RBFOX1: variants seen among roughly 807,000 people sequenced by gnomAD.
RBFOX1 encodes the protein RNA binding protein fox-1 homolog 1.
A neutral mutation model predicts 57.7 loss-of-function variants in RBFOX1; 8 were observed. The observed-to-expected ratio is 0.14, with a 90% confidence interval of 0.08 to 0.25. RBFOX1 has a LOEUF of 0.25. Ranked by LOEUF, RBFOX1 falls within the 10% of genes least tolerant of loss-of-function variation. RBFOX1 has a pLI of 1.00. For missense variants in RBFOX1, 611 were observed against 548.5 expected (o/e 1.11, Z -1.14); for synonymous variants, 326 against 222.4 (o/e 1.47, Z -4.15).
chr16:6,851,763 A>G (rs966183463), intron 3 of RBFOX1, among the ~76,000 whole-genome samples: 1 of 152,102 alleles, frequency 6.6e-6, no homozygotes, highest in Non-Finnish European at 1.5e-5. Flanking sequence ...TCACAGGCAG[A>G]AGGACTGGCA....
In RBFOX1 at chr16:6,958,171, T is replaced by C. The variant is rs554121252; in HGVS notation, c.-15-93886T>C. The stretch of plus-strand genomic sequence containing the variant: ...AGGGGAGGGGAAAGTTAACTTAATA[T>C]GGGAGGGCTGCAAAAGTTGAGGCAC... On this transcript the variant is annotated intron_variant, in intron 3 of 15. Coordinates refer to ENST00000550418, the MANE Select transcript of RBFOX1 (RefSeq NM_018723.4). 1.7e-3 allele frequency among the ~76,000 whole-genome samples: 256 copies of C among 152,228 alleles called. 3 individuals carry two copies. Among genetic ancestry groups the C allele is most frequent in the Admixed American group, 6.6e-3 (101 of 15,292 alleles).
intron 10 of RBFOX1, among the ~76,000 whole-genome samples, chr16:7,611,977 G>T (rs1457359144): frequency 6.6e-6 from 1 of 152,068 alleles, no homozygotes; most frequent in Non-Finnish European, 1.5e-5. Flanking sequence ...AAACAGCATT[G>T]ATAATTTCTT....
At chr16:7,348,441 G>T (rs1322340196) in intron 4 of RBFOX1, among the ~76,000 whole-genome samples, 1 of 149,190 alleles carries the variant, frequency 6.7e-6, no homozygotes. Flanking sequence ...AGGTTTTTAA[G>T]ACTAAGGTGA....
chr16:7,010,289 T>A (rs2093589586), intron 3 of RBFOX1, among the ~76,000 whole-genome samples: 2 of 152,230 alleles, frequency 1.3e-5, no homozygotes, highest in Non-Finnish European at 2.9e-5. Context: ...CTGCTTTTCA[T>A]GAACATTTAG....
At chr16:5,980,279 A>G (rs560472103) in intron 4 of RBFOX1, among the ~76,000 whole-genome samples, 1 of 152,222 alleles carries the variant, frequency 6.6e-6, no homozygotes, top group Non-Finnish European at 1.5e-5. Flanking sequence ...CTCCAGCAGG[A>G]TCTTGTGACT....
chr16:7,109,935 A>G (rs2064349851), intron 4 of RBFOX1, among the ~76,000 whole-genome samples: 1 of 152,140 alleles, frequency 6.6e-6, no homozygotes, highest in South Asian at 2.1e-4. Context: ...ACAGACAAAT[A>G]TACAATTAAA....
chr16:6,273,808 A>G (rs1191639873), intron 1 of RBFOX1, among the ~76,000 whole-genome samples: 1 of 152,162 alleles, frequency 6.6e-6, no homozygotes. Context: ...CAAGCCATGT[A>G]TCTGACAAAG....
intron 2 of RBFOX1, among the ~76,000 whole-genome samples, chr16:6,477,267 C>T (rs2095288381): frequency 6.6e-6 from 1 of 152,158 alleles, no homozygotes. Context: ...TGCCCAGAAC[C>T]ATCAGAAGAA....
Position 6,019,555 on chromosome 16 carries a change from C to A in RBFOX1, c.-564C>A. 8.9e-7 allele frequency: 1 copy of A among 1,123,326 alleles called. No homozygotes were observed. The highest frequency in any genetic ancestry group is 1.1e-6 in the Non-Finnish European group (1 of 918,560). 69.6% of individuals were successfully genotyped at this position (1,123,326 alleles called of 1,614,324 possible). On this transcript the variant is annotated 5_prime_UTR_variant, in exon 1 of 16. Coordinates refer to ENST00000550418, the MANE Select transcript of RBFOX1 (RefSeq NM_018723.4). The surrounding 1 kb of genome is among the most constrained non-coding windows in gnomAD (Gnocchi z 4.2). ...CCAGCCCCGGGAACAGCAGAGGCGG[C>A]GGCACTGGCTGGACCCACGCGCGCG... is the stretch of plus-strand genomic sequence containing the variant.
intron 3 of RBFOX1, among the ~76,000 whole-genome samples, chr16:5,803,024 T>G (rs529821693): frequency 6.6e-6 from 1 of 152,262 alleles, no homozygotes; most frequent in South Asian, 2.1e-4. Context: ...AGACATGTAC[T>G]TGGGTAATAA....
At chr16:7,197,660 AG>A (rs1322932571) in intron 4 of RBFOX1, among the ~76,000 whole-genome samples, 1 of 152,228 alleles carries the variant, frequency 6.6e-6, no homozygotes. Context: ...AATAGCTAAA[AG>A]GTGGAAACAA....
intron 2 of RBFOX1, among the ~76,000 whole-genome samples, chr16:6,554,599 A>G (rs1003775557): frequency 1.3e-5 from 2 of 152,178 alleles, no homozygotes; most frequent in African/African-American, 4.8e-5. Flanking sequence ...CGCTTATTAA[A>G]TAAACCCAAA....
intron 2 of RBFOX1, among the ~76,000 whole-genome samples, chr16:6,524,550 T>C (rs1263071585): frequency 6.6e-6 from 1 of 152,192 alleles, no homozygotes; most frequent in Non-Finnish European, 1.5e-5. Context: ...TACCACAAGG[T>C]TGTGGGCACA....
intron 2 of RBFOX1, among the ~76,000 whole-genome samples, chr16:6,623,973 G>A (rs982390380): frequency 6.6e-6 from 1 of 152,152 alleles, no homozygotes; most frequent in Non-Finnish European, 1.5e-5. Flanking sequence ...TGGGATTGCT[G>A]GGTCAAATGG....
chr16:6,081,455 C>T (rs2096000609), intron 1 of RBFOX1, among the ~76,000 whole-genome samples: 1 of 152,152 alleles, frequency 6.6e-6, no homozygotes, highest in South Asian at 2.1e-4. Flanking sequence ...TGCTTCTGAG[C>T]TGAAGATGAA....
intron 1 of RBFOX1, among the ~76,000 whole-genome samples, chr16:6,052,614 C>G (rs1298824609): frequency 6.6e-6 from 1 of 151,852 alleles, no homozygotes; most frequent in Non-Finnish European, 1.5e-5. Context: ...GAAACTCTGT[C>G]TCTACTAAAA....
intron 13 of RBFOX1, among the ~76,000 whole-genome samples, chr16:7,672,666 C>T (rs3785207): frequency 0.029 from 4,351 of 151,702 alleles, 129 homozygotes; most frequent in East Asian, 0.18. Context: ...GGGTTCAAGA[C>T]GGGGCCAGCC....
At chr16:6,972,380 C>A (rs564264231) in intron 3 of RBFOX1, among the ~76,000 whole-genome samples, 5 of 152,196 alleles carry the variant, frequency 3.3e-5, no homozygotes, top group Non-Finnish European at 7.4e-5. Flanking sequence ...TATCACTTAG[C>A]ATAATGTCCT....
intron 4 of RBFOX1, among the ~76,000 whole-genome samples, chr16:7,175,091 G>T (rs1387323397): frequency 6.6e-6 from 1 of 151,526 alleles, no homozygotes; most frequent in Non-Finnish European, 1.5e-5. Context: ...GTGCACGTTT[G>T]TTACATAGGT....
Sources: allele counts gnomAD v4.1 joint callset (sites outside exome capture counted in the v4.1 genomes callset), GRCh38; gene constraint gnomAD v4.1.1; non-coding constraint Gnocchi (gnomAD v3.1); transcripts MANE v1.5; gene names NCBI Gene and HGNC (gene_info 2026-07-23, HGNC 2026-07-21).